Variants in PRH1 observed in about 807,000 individuals in gnomAD.
The protein encoded by PRH1 is proline rich protein HaeIII subfamily 1.
PRH1 carries 7 observed loss-of-function variants against 7.9 expected under a neutral mutation model. That is an observed-to-expected ratio of 0.89 (90% CI 0.50 to 1.67). The LOEUF is 1.67. Among genes scored for constraint, PRH1 ranks in the 40% most tolerant of loss-of-function variants. The pLI is 0.00. For synonymous variants in PRH1, 45 were observed against 80.8 expected (o/e 0.56, Z 2.38); for missense variants, 109 against 223.6 (o/e 0.49, Z 3.27).
At chr12:11,091,788 T>A (rs764043343) in intron 1 of PRH1, 4 of 1,441,214 alleles carry the variant, frequency 2.8e-6, no homozygotes, top group Admixed American at 1.7e-5. Context: ...TCATTCATGT[T>A]TATCACAAAA....
chr12:11,075,390 T>C (rs1944251100), intron 1 of PRH1, among the ~76,000 whole-genome samples: 1 of 114,668 alleles, frequency 8.7e-6, no homozygotes, highest in African/African-American at 2.9e-5. Context: ...GCTTTTTTTT[T>C]TTTTCATTTC....
At chr12:11,128,753 A>G (rs1044866493) in intron 1 of PRH1, among the ~76,000 whole-genome samples, 1 of 152,036 alleles carries the variant, frequency 6.6e-6, no homozygotes, top group Non-Finnish European at 1.5e-5. Context: ...TCAAAATAAC[A>G]ACAAAAAGGA....
chr12:10,908,851 T>A, intron 2 of PRH1: 1 of 1,613,428 alleles, frequency 6.2e-7, no homozygotes, highest in Non-Finnish European at 8.5e-7. Context: ...TTTATATGCA[T>A]GTTTATTTGT....
intron 1 of PRH1, among the ~76,000 whole-genome samples, chr12:11,139,151 A>G (rs1229948959): frequency 1.3e-5 from 2 of 152,252 alleles, no homozygotes; most frequent in Non-Finnish European, 2.9e-5. Context: ...AATATGCTGT[A>G]TCACCCTGAA....
chr12:11,002,663 T>G (rs756382050), intron 1 of PRH1, among the ~76,000 whole-genome samples: 3 of 152,088 alleles, frequency 2.0e-5, no homozygotes, highest in Non-Finnish European at 4.4e-5. Context: ...CTACTGTCAC[T>G]AAATCTGGGT....
At chr12:11,125,666 G>T (rs796417539) in intron 1 of PRH1, among the ~76,000 whole-genome samples, 2 of 145,784 alleles carry the variant, frequency 1.4e-5, no homozygotes, top group Non-Finnish European at 3.0e-5. Context: ...TTTCATTTAG[G>T]GATAAATTTA....
chr12:10,929,589 A>T (rs1015652827), intron 2 of PRH1, among the ~76,000 whole-genome samples: 3 of 152,084 alleles, frequency 2.0e-5, no homozygotes, highest in African/African-American at 7.2e-5. Flanking sequence ...ATTTATAGAG[A>T]CATGGGACTG....
chr12:11,152,483 G>A (rs1787233241), intron 1 of PRH1, among the ~76,000 whole-genome samples: 2 of 151,760 alleles, frequency 1.3e-5, no homozygotes, highest in South Asian at 4.2e-4. Context: ...TTTTATAGAA[G>A]AAAATTTCTC....
At chr12:10,942,398 G>A (rs1950416415) in intron 2 of PRH1, among the ~76,000 whole-genome samples, 1 of 152,142 alleles carries the variant, frequency 6.6e-6, no homozygotes, top group South Asian at 2.1e-4. Context: ...GTGGCTGCTA[G>A]GGGGGATGGG....
At chr12:10,989,898 C>T (rs58064634) in intron 1 of PRH1, among the ~76,000 whole-genome samples, 5,269 of 152,272 alleles carry the variant, frequency 0.035, 298 homozygotes, top group African/African-American at 0.12. Context: ...CCTCTACCTA[C>T]TTTTCAGATT....
At chr12:11,156,861 T>A (rs77919733) in intron 1 of PRH1, among the ~76,000 whole-genome samples, 2 of 151,278 alleles carry the variant, frequency 1.3e-5, no homozygotes, top group African/African-American at 2.4e-5. Flanking sequence ...TTTTTTTTTT[T>A]TTTAGACGCA....
intron 1 of PRH1, among the ~76,000 whole-genome samples, chr12:11,102,487 A>G (rs1292742526): frequency 6.6e-6 from 1 of 152,202 alleles, no homozygotes; most frequent in Non-Finnish European, 1.5e-5. Context: ...CTGGCTAGCC[A>G]TATGTAGAAA....
intron 1 of PRH1, among the ~76,000 whole-genome samples, chr12:11,071,969 G>C (rs1944090423): frequency 6.6e-6 from 1 of 151,988 alleles, no homozygotes; most frequent in African/African-American, 2.4e-5. Context: ...CCCCAAGCTA[G>C]GTTTGAAATA....
chr12:11,142,562 C>CA (rs1565698032), intron 1 of PRH1, among the ~76,000 whole-genome samples: 2 of 151,858 alleles, frequency 1.3e-5, no homozygotes, highest in South Asian at 4.2e-4. Context: ...CAATTGCTTT[C>CA]AAAAAAAGGT....
At position 11,090,856 on chromosome 12, in the gene PRH1, A is replaced by G. The variant is rs1237411243; in HGVS notation, n.124-43668T>C. Among the ~76,000 whole-genome samples, 2 of 113,498 alleles carry G rather than the reference A, an allele frequency of 1.8e-5. 1 individual carries two copies. Among genetic ancestry groups the G allele is most frequent in the Non-Finnish European group, 4.1e-5 (2 of 48,230 alleles). The allele number at this position is 113,498 out of a possible 152,430, so 74.5% of individuals were successfully genotyped here. A position where few individuals can be genotyped will look rare whatever the true frequency, so the allele number is the denominator to read the frequency against. On this transcript the variant is annotated intron_variant and non_coding_transcript_variant, in intron 1 of 4. Transcript: ENST00000541977. ...CAATGAATTCTAAGCACAATGTGGT[A>G]TATTCCTGTGGTTCAAATAACAATA... is the stretch of plus-strand genomic sequence containing the variant.
intron 3 of PRH1, 64 bp downstream of exon 3, chr12:10,882,153 G>A (rs1009607601): frequency 8.2e-5 from 131 of 1,597,422 alleles, no homozygotes; most frequent in Non-Finnish European, 1.0e-4. Context: ...GGATTCATTG[G>A]CACAATGAAG....
chr12:11,033,608 A>C, intron 1 of PRH1, among the ~76,000 whole-genome samples: 1 of 152,172 alleles, frequency 6.6e-6, no homozygotes, highest in Non-Finnish European at 1.5e-5. Context: ...GTCGATAATT[A>C]AGGCTAGAAG....
intron 1 of PRH1, among the ~76,000 whole-genome samples, chr12:11,086,147 G>T (rs1944685906): frequency 5.2e-5 from 3 of 57,976 alleles, no homozygotes; most frequent in South Asian, 4.2e-4. Context: ...GTAAATTATT[G>T]TCCTATAATT....
At chr12:10,904,608 A>G (rs1267597926) in intron 2 of PRH1, among the ~76,000 whole-genome samples, 1 of 152,184 alleles carries the variant, frequency 6.6e-6, no homozygotes, top group East Asian at 1.9e-4. Context: ...CATTCTAAAC[A>G]TTGGCCTTGG....
Sources: gnomAD v4.1 joint callset for allele counts (sites outside exome capture counted in the v4.1 genomes callset) on GRCh38, gnomAD v4.1.1 for gene constraint, MANE v1.5 for transcripts, NCBI Gene and HGNC (gene_info 2026-07-23, HGNC 2026-07-21) for gene names.